Variants in PDGFC observed in about 807,000 individuals in gnomAD.
PDGFC encodes platelet-derived growth factor C.
A neutral mutation model predicts 35.5 loss-of-function variants in PDGFC; 12 were observed. The observed-to-expected ratio is 0.34, with a 90% CI of 0.22 to 0.55. PDGFC has a LOEUF of 0.55. Ranked by LOEUF, PDGFC falls within the 20% of genes least tolerant of loss-of-function variation. The pLI is 0.91. For synonymous variants in PDGFC, 159 were observed against 148.8 expected, an observed-to-expected ratio of 1.07 and a Z score of -0.50; for missense variants, 322 against 412.4, an observed-to-expected ratio of 0.78 and a Z score of 1.90.
At chr4:156,785,548 A>G (rs997168901) in intron 3 of PDGFC, among the ~76,000 whole-genome samples, 3 of 152,150 alleles carry the variant, frequency 2.0e-5, no homozygotes, top group African/African-American at 7.2e-5. Context: ...TAGATCCATC[A>G]GTTCTCAATC....
At position 156,953,426 on chromosome 4, in the gene PDGFC, T is replaced by C. The variant is rs17828806; in HGVS notation, c.118+17360A>G. Among the ~76,000 whole-genome samples, 1,502 of 152,106 alleles carry C rather than the reference T, an allele frequency of 9.9e-3. 14 individuals carry two copies. Among genetic ancestry groups the C allele is most frequent in the Non-Finnish European group, 0.015 (1,043 of 67,894 alleles). The stretch of plus-strand genomic sequence containing the variant: ...ATTCTAAAAAGGTTCATTAAGAACG[T>C]ATTCACATTCAGCAAATGTGATATG... On this transcript the variant is annotated intron_variant, in intron 1 of 5. Transcript: ENST00000502773.
At chr4:156,830,960 G>T (rs1728917778) in intron 2 of PDGFC, among the ~76,000 whole-genome samples, 1 of 152,120 alleles carries the variant, frequency 6.6e-6, no homozygotes, top group Admixed American at 6.5e-5. Flanking sequence ...CCACACCCAT[G>T]ACTATTTAGA....
chr4:156,908,185 G>T (rs1278816752), intron 1 of PDGFC, among the ~76,000 whole-genome samples: 1 of 151,920 alleles, frequency 6.6e-6, no homozygotes, highest in Admixed American at 6.6e-5. Context: ...AAAAGCAGCA[G>T]CTTTCCTTTA....
intron 1 of PDGFC, chr4:156,876,891 T>C (rs889784703): frequency 1.3e-5 from 2 of 152,132 alleles, no homozygotes; most frequent in Non-Finnish European, 2.9e-5. Flanking sequence ...GTCAGTACAA[T>C]TCTAAAGCAC....
chr4:156,932,131 C>T (rs920075883), intron 1 of PDGFC, among the ~76,000 whole-genome samples: 1 of 152,078 alleles, frequency 6.6e-6, no homozygotes, highest in Non-Finnish European at 1.5e-5. Context: ...GATCAGGAGT[C>T]TAATTCACCT....
chr4:156,885,328 GCATTA>G (rs1437030241), intron 1 of PDGFC, among the ~76,000 whole-genome samples: 1 of 152,022 alleles, frequency 6.6e-6, no homozygotes, highest in Non-Finnish European at 1.5e-5. Flanking sequence ...TAACTGCATT[GCATTA>G]CATCAATGGC....
At chr4:156,957,625 C>A (rs1732244003) in intron 1 of PDGFC, among the ~76,000 whole-genome samples, 1 of 152,024 alleles carries the variant, frequency 6.6e-6, no homozygotes, top group Non-Finnish European at 1.5e-5. Flanking sequence ...CAGCAACCTT[C>A]ATTCTGTTTC....
intron 2 of PDGFC, among the ~76,000 whole-genome samples, chr4:156,826,174 A>ATTT (rs59421806): frequency 0.016 from 685 of 43,780 alleles, 125 homozygotes; most frequent in South Asian, 0.037. Context: ...TTTGAGTTGG[A>ATTT]TTTTTTTTTT....
At chr4:156,799,450 T>C (rs1731537535) in intron 3 of PDGFC, among the ~76,000 whole-genome samples, 1 of 152,210 alleles carries the variant, frequency 6.6e-6, no homozygotes, top group Admixed American at 6.5e-5. Flanking sequence ...CCAAACTTAC[T>C]GTAGGAGTGC....
intron 3 of PDGFC, among the ~76,000 whole-genome samples, chr4:156,788,477 C>CA (rs1037766472): frequency 3.3e-5 from 5 of 152,086 alleles, no homozygotes; most frequent in African/African-American, 1.2e-4. Context: ...TTAGCAGGGC[C>CA]AAAAATCCTT....
chr4:156,782,063 T>G (rs1257778409), intron 3 of PDGFC, among the ~76,000 whole-genome samples: 1 of 152,192 alleles, frequency 6.6e-6, no homozygotes, highest in Non-Finnish European at 1.5e-5. Flanking sequence ...TAGACTGATG[T>G]GGCAAATCAG....
chr4:156,820,244 G>C (rs1732211245), intron 2 of PDGFC, among the ~76,000 whole-genome samples: 1 of 152,192 alleles, frequency 6.6e-6, no homozygotes, highest in Non-Finnish European at 1.5e-5. Context: ...GGGTCTGAGA[G>C]AACTGACCTA....
chr4:156,927,895 A>G (rs775093033), intron 1 of PDGFC, among the ~76,000 whole-genome samples: 7 of 152,160 alleles, frequency 4.6e-5, no homozygotes, highest in Admixed American at 2.0e-4. Context: ...CATGCTGCTG[A>G]TAAAGACATA....
At chr4:156,857,982 T>C (rs1729622797) in intron 1 of PDGFC, among the ~76,000 whole-genome samples, 1 of 152,014 alleles carries the variant, frequency 6.6e-6, no homozygotes, top group Non-Finnish European at 1.5e-5. Context: ...TGTGAATAAA[T>C]AAACAACTTT....
intron 1 of PDGFC, among the ~76,000 whole-genome samples, chr4:156,895,478 A>G (rs1730610619): frequency 6.6e-6 from 1 of 151,946 alleles, no homozygotes; most frequent in African/African-American, 2.4e-5. Flanking sequence ...CTGAAAATAC[A>G]AAAATTAGCC....
intron 1 of PDGFC, among the ~76,000 whole-genome samples, chr4:156,923,039 AT>A (rs1483435919): frequency 6.6e-6 from 1 of 152,060 alleles, no homozygotes; most frequent in African/African-American, 2.4e-5. Context: ...GCCAGATTAT[AT>A]TTTTTAAATA....
At chr4:156,906,831 T>C (rs1579091485) in intron 1 of PDGFC, among the ~76,000 whole-genome samples, 1 of 152,146 alleles carries the variant, frequency 6.6e-6, no homozygotes, top group East Asian at 1.9e-4. Flanking sequence ...GAATAATATC[T>C]GATATTCTTT....
At chr4:156,812,306 T>G (rs1731955768) in intron 2 of PDGFC, among the ~76,000 whole-genome samples, 1 of 152,106 alleles carries the variant, frequency 6.6e-6, no homozygotes, top group Admixed American at 6.6e-5. Context: ...TTTTCTAGGG[T>G]AATTGTTACT....
intron 1 of PDGFC, among the ~76,000 whole-genome samples, chr4:156,853,450 C>T (rs1729501137): frequency 6.6e-6 from 1 of 152,136 alleles, no homozygotes; most frequent in South Asian, 2.1e-4. Context: ...TACCAATCTT[C>T]TCAGTGCTAA....
Sources: gnomAD v4.1 joint callset for allele counts (sites outside exome capture counted in the v4.1 genomes callset) on GRCh38, gnomAD v4.1.1 for gene constraint, MANE v1.5 for transcripts, NCBI Gene and HGNC (gene_info 2026-07-23, HGNC 2026-07-21) for gene names.